C3orf52: variants seen among roughly 807,000 people sequenced by gnomAD.
The protein encoded by C3orf52 is chromosome 3 open reading frame 52, also known as TPA-induced transmembrane protein.
C3orf52 carries 22 observed loss-of-function variants against 24.8 expected under a neutral mutation model. The ratio of observed to expected loss-of-function variants is 0.89; its 90% CI spans 0.63 to 1.27. The LOEUF is 1.27. Among genes scored for constraint, C3orf52 ranks in the 50% most tolerant of loss-of-function variants. The probability of loss-of-function intolerance (pLI) is 0.00; values close to 1 mark genes in which losing one functional copy is unlikely to be tolerated. For missense variants in C3orf52, 265 were observed against 260.7 expected (o/e 1.02, Z -0.11); for synonymous variants, 93 against 100.2 (o/e 0.93, Z 0.43).
chr3:112,091,920 C>T (rs1188384229), intron 1 of C3orf52, among the ~76,000 whole-genome samples: 2 of 151,734 alleles, frequency 1.3e-5, no homozygotes, highest in Non-Finnish European at 2.9e-5. Context: ...AGGAGAATGG[C>T]GTGAACCCGG....
At position 112,117,249 on chromosome 3, in the gene C3orf52, A is replaced by G. The variant is rs2107792328; in HGVS notation, c.*603A>G. ...GCCAGGCTGTGAAGAAAAGGAAGGCACTTTAGAAGACCTCAGCAGTGTGGT... is the reference window on the plus strand; with the variant it reads ...GCCAGGCTGTGAAGAAAAGGAAGGCGCTTTAGAAGACCTCAGCAGTGTGGT... On this transcript the variant is annotated 3_prime_UTR_variant, in exon 6 of 6. Transcript: ENST00000264848. 2 of 471,538 alleles carry G rather than the reference A, an allele frequency of 4.2e-6. No homozygotes were observed. The highest frequency in any genetic ancestry group is 7.6e-6 in the Non-Finnish European group (2 of 264,512). 29.2% of individuals were successfully genotyped at this position (471,538 alleles called of 1,614,324 possible). A position where few individuals can be genotyped will look rare whatever the true frequency, so the allele number is the denominator to read the frequency against.
At chr3:112,128,175 G>A (rs1319433065) in intron 4 of C3orf52, 2 of 860,230 alleles carry the variant, frequency 2.3e-6, no homozygotes, top group African/African-American at 1.7e-5. Context: ...CCGCAAGCGT[G>A]TTTCATTCTA....
chr3:112,097,824 C>T (rs1042286252), intron 2 of C3orf52, among the ~76,000 whole-genome samples: 3 of 152,178 alleles, frequency 2.0e-5, no homozygotes, highest in African/African-American at 7.2e-5. Flanking sequence ...CTTTCAGCTT[C>T]CTCTGACCCA....
At chr3:112,130,218 T>C, downstream of C3orf52, 1 of 569,136 alleles carries the variant, frequency 1.8e-6, no homozygotes, top group East Asian at 2.9e-5. Flanking sequence ...TAGCAGGGTC[T>C]TAGTTCCTGT....
intron 3 of C3orf52, 36 bp downstream of exon 3, chr3:112,103,001 G>T: frequency 6.2e-7 from 1 of 1,600,232 alleles, no homozygotes; most frequent in Non-Finnish European, 8.5e-7. Flanking sequence ...AGGAGTTCTT[G>T]ACATTAGAAT....
downstream of C3orf52, chr3:112,130,500 T>A (rs2074427885): frequency 6.2e-7 from 1 of 1,614,058 alleles, no homozygotes; most frequent in Non-Finnish European, 8.5e-7. Flanking sequence ...ATCTCTTGAG[T>A]GTTCTGCTGC....
intron 5 of C3orf52, 64 bp downstream of exon 5, chr3:112,113,209 A>G (rs2074103360): frequency 2.1e-6 from 3 of 1,396,250 alleles, no homozygotes; most frequent in African/African-American, 1.4e-5. Context: ...ATTGGGGTCA[A>G]ATTGGCTTGG....
downstream of C3orf52, chr3:112,122,590 A>G (rs1337056895): frequency 2.0e-5 from 3 of 152,338 alleles, no homozygotes; most frequent in East Asian, 5.8e-4. Context: ...TTAAATATAT[A>G]CATTTAGTAT....
intron 4 of C3orf52, chr3:112,109,850 A>G (rs913741518): frequency 5.0e-6 from 2 of 398,466 alleles, no homozygotes; most frequent in African/African-American, 4.0e-5. Context: ...CCAGGGTCAC[A>G]CAGAAGAGGG....
chr3:112,130,630 C>G, downstream of C3orf52: 1 of 887,272 alleles, frequency 1.1e-6, no homozygotes, highest in Non-Finnish European at 1.9e-6. Flanking sequence ...CAGAAATTGA[C>G]TGGTTGCCCT....
chr3:112,090,474 AT>A (rs71874593), intron 1 of C3orf52, among the ~76,000 whole-genome samples: 9,162 of 151,304 alleles, frequency 0.061, 380 homozygotes, highest in African/African-American at 0.12. Flanking sequence ...TTTTATTTTT[AT>A]TTTTTGTTGT....
chr3:112,100,172 C>G (rs1198423393), intron 2 of C3orf52, among the ~76,000 whole-genome samples: 1 of 152,186 alleles, frequency 6.6e-6, no homozygotes, highest in Non-Finnish European at 1.5e-5. Context: ...TCCATGACCA[C>G]CCGATTAACC....
Position 112,109,527 on chromosome 3 carries a change from G to C in C3orf52, c.397-16G>C, listed in dbSNP as rs745680611. The C allele has an allele frequency of 3.3e-6, 5 of 1,515,950 alleles. No individual in the cohort carries two copies. The highest frequency in any genetic ancestry group is 1.2e-5 in the South Asian group (1 of 86,702). 93.9% of individuals were successfully genotyped at this position (1,515,950 alleles called of 1,614,324 possible). On this transcript the variant is annotated splice_polypyrimidine_tract_variant and intron_variant, in intron 3 of 5. Transcript: ENST00000264848. ...GTCGGTAATGTGTGTGGTTTAATTTGCTTCTGTTTGTTTAGCTCACAGATG... is the reference window on the plus strand; with the variant it reads ...GTCGGTAATGTGTGTGGTTTAATTTCCTTCTGTTTGTTTAGCTCACAGATG...
At chr3:112,101,071 A>G (rs2073968146) in intron 2 of C3orf52, among the ~76,000 whole-genome samples, 2 of 152,090 alleles carry the variant, frequency 1.3e-5, no homozygotes, top group Admixed American at 1.3e-4. Flanking sequence ...TTTTTTTTAA[A>G]TCATACAACA....
At chr3:112,122,746 G>C (rs1019587834), downstream of C3orf52, 11 of 152,282 alleles carry the variant, frequency 7.2e-5, no homozygotes, top group Admixed American at 5.9e-4. Flanking sequence ...AGCCAAAGAA[G>C]GGTAGTGGGA....
chr3:112,104,657 G>T (rs985191862), intron 3 of C3orf52, among the ~76,000 whole-genome samples: 1 of 149,868 alleles, frequency 6.7e-6, no homozygotes, highest in Non-Finnish European at 1.5e-5. Context: ...TTTTATTTCC[G>T]TAGGTTTTGG....
chr3:112,120,877 G>C (rs2107794821), downstream of C3orf52: 1 of 152,224 alleles, frequency 6.6e-6, no homozygotes, highest in Middle Eastern at 3.4e-3. Flanking sequence ...GGAAATTTGA[G>C]ACATCCTACA....
intron 3 of C3orf52, among the ~76,000 whole-genome samples, chr3:112,109,020 A>C (rs566266963): frequency 1.3e-5 from 2 of 152,202 alleles, no homozygotes; most frequent in African/African-American, 4.8e-5. Context: ...GCAATATTTC[A>C]TGCATAAAAT....
chr3:112,132,904 G>C (rs1400755727), downstream of C3orf52: 1 of 576,216 alleles, frequency 1.7e-6, no homozygotes. Flanking sequence ...TTGGGAGAAG[G>C]CAAAACCTAT....
Sources: gnomAD v4.1 joint callset for allele counts (sites outside exome capture counted in the v4.1 genomes callset) on GRCh38, gnomAD v4.1.1 for gene constraint, MANE v1.5 for transcripts, NCBI Gene and HGNC (gene_info 2026-07-23, HGNC 2026-07-21) for gene names.